Variants in SCAPER observed in about 807,000 individuals in gnomAD.
SCAPER encodes the protein S phase cyclin A-associated protein in the endoplasmic reticulum.
In SCAPER, 98 loss-of-function variants were observed where a neutral mutation model predicts 182.2. The observed-to-expected ratio is 0.54, with a 90% CI of 0.46 to 0.64. SCAPER has a LOEUF of 0.64. SCAPER is among the 30% of genes least tolerant of loss of function. The pLI is 0.00. For missense variants in SCAPER, 1,432 were observed against 1,690.0 expected (o/e 0.85, Z 2.68); for synonymous variants, 605 against 564.6 (o/e 1.07, Z -1.01).
chr15:76,457,066 CT>C lies in SCAPER; in HGVS notation c.3078+14145del, dbSNP rs556374437. Among the ~76,000 whole-genome samples the C allele has an allele frequency of 6.6e-3, 935 of 141,796 alleles. 2 individuals carry two copies. Among genetic ancestry groups the C allele is most frequent in the Non-Finnish European group, 7.7e-3 (494 of 64,480 alleles). 93.0% of individuals were successfully genotyped at this position (141,796 alleles called of 152,430 possible). ...CCTTGTAACCGGAGGGCTTTACACACTTTTTTTTTTTTTTTAGATGGAGTCT... is the reference window on the plus strand; with the variant it reads ...CCTTGTAACCGGAGGGCTTTACACACTTTTTTTTTTTTTTAGATGGAGTCT... On this transcript the variant is annotated intron_variant, in intron 25 of 31. Coordinates refer to ENST00000563290, the MANE Select transcript of SCAPER (RefSeq NM_020843.4).
intron 27 of SCAPER, among the ~76,000 whole-genome samples, chr15:76,398,446 A>C (rs1339923653): frequency 2.6e-5 from 4 of 152,220 alleles, no homozygotes; most frequent in African/African-American, 9.6e-5. Context: ...GCTTTCTCCC[A>C]ATCCTAGCAC....
intron 25 of SCAPER, among the ~76,000 whole-genome samples, chr15:76,436,690 T>C (rs2047220051): frequency 6.6e-6 from 1 of 152,160 alleles, no homozygotes; most frequent in Admixed American, 6.5e-5. Context: ...AGTTGGAGGC[T>C]TTCCTCAAAT....
Position 76,620,392 on chromosome 15 carries a change from TTGC to T in SCAPER, c.2711+1369_2711+1371del, listed in dbSNP as rs1242929580. Among the ~76,000 whole-genome samples, 11 of 152,340 alleles carry T rather than the reference TTGC, an allele frequency of 7.2e-5. No homozygotes were observed. The East Asian group carries it at 1.3e-3, about 19-fold the overall frequency. ...CATCCTACTGAATTGATTTCTCTTG[TTGC>T]TTCTACTAGTTCTGCACTCCATTCT... On this transcript the variant is annotated intron_variant, in intron 22 of 31. Coordinates refer to ENST00000563290, the MANE Select transcript of SCAPER (RefSeq NM_020843.4).
At chr15:76,356,753 C>T (rs919332246) in intron 29 of SCAPER, among the ~76,000 whole-genome samples, 1 of 152,152 alleles carries the variant, frequency 6.6e-6, no homozygotes, top group Non-Finnish European at 1.5e-5. Flanking sequence ...AAAGGGGCTT[C>T]CCACAGAGCT....
chr15:76,666,668 C>T (rs2056595860), intron 20 of SCAPER, among the ~76,000 whole-genome samples: 1 of 152,232 alleles, frequency 6.6e-6, no homozygotes, highest in Non-Finnish European at 1.5e-5. Flanking sequence ...TTAATCTACA[C>T]ACTTGCCTTG....
intron 26 of SCAPER, among the ~76,000 whole-genome samples, chr15:76,420,275 T>C (rs950970188): frequency 6.7e-5 from 10 of 149,234 alleles, no homozygotes; most frequent in Admixed American, 2.0e-4. Context: ...GGGGTCTATG[T>C]TGCCTAGGCT....
At chr15:76,450,038 A>T (rs1355990996) in intron 25 of SCAPER, among the ~76,000 whole-genome samples, 1 of 152,226 alleles carries the variant, frequency 6.6e-6, no homozygotes, top group East Asian at 1.9e-4. Flanking sequence ...GCCTTATGTA[A>T]ACAAATGCTG....
At chr15:76,628,656 G>A (rs990988833) in intron 21 of SCAPER, among the ~76,000 whole-genome samples, 7 of 152,246 alleles carry the variant, frequency 4.6e-5, no homozygotes, top group South Asian at 2.1e-4. Flanking sequence ...CCAGTACCAC[G>A]CTATTTTGGT....
intron 22 of SCAPER, among the ~76,000 whole-genome samples, chr15:76,608,686 G>A (rs139782383): frequency 0.011 from 1,655 of 152,276 alleles, 16 homozygotes; most frequent in Middle Eastern, 0.041. Context: ...ATTCCCGGCC[G>A]CTTTGTTTAC....
chr15:76,412,367 T>C (rs1252358392), intron 26 of SCAPER, among the ~76,000 whole-genome samples: 4 of 152,146 alleles, frequency 2.6e-5, no homozygotes, highest in Admixed American at 6.5e-5. Flanking sequence ...CAATGTAGGT[T>C]CACTGACTGT....
At chr15:76,898,598 T>A (rs1000361100) in intron 1 of SCAPER, among the ~76,000 whole-genome samples, 1 of 152,240 alleles carries the variant, frequency 6.6e-6, no homozygotes, top group African/African-American at 2.4e-5. Context: ...ACAAAATGGA[T>A]GAATCTTGAA....
intron 21 of SCAPER, among the ~76,000 whole-genome samples, chr15:76,628,326 G>C (rs1786000166): frequency 6.6e-6 from 1 of 152,022 alleles, no homozygotes; most frequent in African/African-American, 2.4e-5. Context: ...AATTGCTTTT[G>C]GCAATTTCAT....
chr15:76,481,332 CAT>C (rs2051121330), intron 24 of SCAPER, among the ~76,000 whole-genome samples: 1 of 152,088 alleles, frequency 6.6e-6, no homozygotes, highest in African/African-American at 2.4e-5. Flanking sequence ...TAAGAGGAGA[CAT>C]AATCTACTGA....
chr15:76,603,020 ATTTAT>A (rs2050041230), intron 22 of SCAPER, among the ~76,000 whole-genome samples: 1 of 42,904 alleles, frequency 2.3e-5, no homozygotes, highest in African/African-American at 6.7e-5. Flanking sequence ...TTTTTATTTT[ATTTAT>A]TTATTTACTT....
At chr15:76,783,399 C>T (rs1453349897) in intron 8 of SCAPER, among the ~76,000 whole-genome samples, 4 of 152,096 alleles carry the variant, frequency 2.6e-5, no homozygotes, top group Non-Finnish European at 5.9e-5. Flanking sequence ...TAATAGCCTA[C>T]CAACCAACAA....
At chr15:76,447,806 G>T (rs139317129) in intron 25 of SCAPER, among the ~76,000 whole-genome samples, 37 of 152,298 alleles carry the variant, frequency 2.4e-4, no homozygotes, top group African/African-American at 7.7e-4. Flanking sequence ...AGGTGAAGAG[G>T]AAAAACATGG....
chr15:76,464,861 A>G (rs1168999857), intron 25 of SCAPER, among the ~76,000 whole-genome samples: 1 of 152,170 alleles, frequency 6.6e-6, no homozygotes, highest in African/African-American at 2.4e-5. Flanking sequence ...AAAGTGCACA[A>G]CATTTCCAAT....
intron 27 of SCAPER, among the ~76,000 whole-genome samples, chr15:76,389,662 C>CA (rs1311380721): frequency 6.6e-6 from 1 of 150,380 alleles, no homozygotes; most frequent in African/African-American, 2.4e-5. Context: ...AAAAGAAATA[C>CA]AAAAAATTAG....
intron 22 of SCAPER, among the ~76,000 whole-genome samples, chr15:76,614,370 C>G (rs141148668): frequency 1.5e-3 from 235 of 152,230 alleles, no homozygotes; most frequent in African/African-American, 5.5e-3. Context: ...TGTAACAAAT[C>G]TGCACTTGTA....
Sources: gnomAD v4.1 joint callset for allele counts (sites outside exome capture counted in the v4.1 genomes callset) on GRCh38, gnomAD v4.1.1 for gene constraint, MANE v1.5 for transcripts, NCBI Gene and HGNC (gene_info 2026-07-23, HGNC 2026-07-21) for gene names.